The following WDR70 variants were observed in gnomAD, a reference collection of about 807,000 sequenced individuals.
WDR70 encodes the protein WD repeat-containing protein 70.
WDR70 carries 53 observed loss-of-function variants against 88.6 expected under a neutral mutation model. The observed-to-expected ratio is 0.60, with a 90% CI of 0.48 to 0.75. The LOEUF (loss-of-function observed/expected upper bound fraction) is 0.75, where lower values mean the gene tolerates loss of function less well. WDR70 is among the 30% of genes least tolerant of loss of function. The pLI is 0.00. For synonymous variants in WDR70, 280 were observed against 270.0 expected (o/e 1.04, Z -0.36); for missense variants, 610 against 823.2 (o/e 0.74, Z 3.17).
intron 5 of WDR70, among the ~76,000 whole-genome samples, chr5:37,416,469 G>C (rs1228553573): frequency 1.3e-5 from 2 of 151,996 alleles, no homozygotes; most frequent in African/African-American, 4.8e-5. Flanking sequence ...GTACAGTCCA[G>C]CTTCGGCTCG....
intron 5 of WDR70, among the ~76,000 whole-genome samples, chr5:37,432,676 ATGAGCCACCGCGCCCGGCCTT>A (rs1372174789): frequency 4.9e-4 from 74 of 150,982 alleles, no homozygotes; most frequent in African/African-American, 1.7e-3. Flanking sequence ...GATTACAGGC[ATGAGCCACCGCGCCCGGCCTT>A]TGAGCCACCG....
intron 8 of WDR70, among the ~76,000 whole-genome samples, chr5:37,484,540 C>T (rs1739796630): frequency 1.3e-5 from 2 of 151,768 alleles, no homozygotes; most frequent in Admixed American, 1.3e-4. Flanking sequence ...CAGAGGGAGA[C>T]CGTGGAAAGA....
chr5:37,653,741 T>C (rs1745472783), intron 10 of WDR70, among the ~76,000 whole-genome samples: 1 of 152,226 alleles, frequency 6.6e-6, no homozygotes, highest in Non-Finnish European at 1.5e-5. Context: ...GTGTTTATAG[T>C]ATTCTCTGAT....
chr5:37,495,442 ATC>A (rs139533160), intron 8 of WDR70, among the ~76,000 whole-genome samples: 53 of 147,518 alleles, frequency 3.6e-4, no homozygotes, highest in East Asian at 4.0e-4. Context: ...ATTATCAGCA[ATC>A]TCTCTCTCTC....
intron 9 of WDR70, among the ~76,000 whole-genome samples, chr5:37,538,372 A>C (rs1380327117): frequency 1.3e-5 from 2 of 152,248 alleles, no homozygotes; most frequent in Non-Finnish European, 2.9e-5. Flanking sequence ...TGCTTAATAC[A>C]CACGATGAAT....
chr5:37,718,917 GTTATATA>G (rs944425844), intron 13 of WDR70, among the ~76,000 whole-genome samples: 11 of 152,012 alleles, frequency 7.2e-5, no homozygotes, highest in Admixed American at 3.3e-4. Flanking sequence ...TAATAAATAA[GTTATATA>G]TTATATTAAA....
intron 10 of WDR70, among the ~76,000 whole-genome samples, chr5:37,611,705 G>A (rs528246574): frequency 1.1e-4 from 16 of 149,234 alleles, no homozygotes; most frequent in Non-Finnish European, 1.9e-4. Context: ...ATTTACTGCC[G>A]TCTGCAACTG....
At chr5:37,438,622 A>G (rs1297559788) in intron 6 of WDR70, among the ~76,000 whole-genome samples, 1 of 152,170 alleles carries the variant, frequency 6.6e-6, no homozygotes, top group African/African-American at 2.4e-5. Context: ...TTTCAGTGAA[A>G]CTACTTTTTT....
intron 12 of WDR70, among the ~76,000 whole-genome samples, chr5:37,702,570 A>G (rs936628525): frequency 6.6e-6 from 1 of 152,226 alleles, no homozygotes; most frequent in Non-Finnish European, 1.5e-5. Context: ...TCAAATATAT[A>G]TCTGTCCGTA....
rs1373112833 is a variant in WDR70 at position 37,722,871 on chromosome 5, G to A, written c.1534G>A (p.Val512Met). Residue 512 changes from valine (V) to methionine (M), a missense_variant, in exon 15 of 18, where the codon GTG (valine) becomes ATG (methionine). Transcript: ENST00000265107. ...ACCCGTTAGGGGAGCAAAATTATGT[G>A]TGGTTAAAACCCAGCGGAAGGCAAA... The part of the protein sequence containing the change: ...NKSQRGAKLC[V>M]VKTQRKAKQA... The A allele has an allele frequency of 4.3e-6, 7 of 1,613,522 alleles. No individual in the cohort carries two copies. The highest frequency in any genetic ancestry group is 4.5e-5 in the East Asian group (2 of 44,854).
At chr5:37,692,311 C>T (rs918306600) in intron 10 of WDR70, among the ~76,000 whole-genome samples, 2 of 152,152 alleles carry the variant, frequency 1.3e-5, no homozygotes, top group African/African-American at 2.4e-5. Flanking sequence ...GGTACCATTC[C>T]TTCTGGAACT....
Position 37,468,744 on chromosome 5 carries a change from G to GA in WDR70, c.687-11082dup, listed in dbSNP as rs536830194. Among the ~76,000 whole-genome samples, 1,315 of 151,894 alleles carry GA rather than the reference G, an allele frequency of 8.7e-3. 23 individuals are homozygous for GA. The highest frequency in any genetic ancestry group is 0.03 in the African/African-American group (1,241 of 41,428). On this transcript the variant is annotated intron_variant, in intron 7 of 17. Transcript: ENST00000265107. ...AGCCATCCAAGGATTGGAAATATTG[G>GA]AAAAAAAATTGCATCTGTACTGAAC...
chr5:37,531,542 A>T (rs1741482846), intron 9 of WDR70, among the ~76,000 whole-genome samples: 1 of 146,110 alleles, frequency 6.8e-6, no homozygotes. Context: ...TCATTATATG[A>T]TATCATTCTT....
In WDR70 at chr5:37,707,921, G is replaced by GAAAAAAAAA. The variant is rs1187436953; in HGVS notation, c.1416+4854_1416+4862dup. On this transcript the variant is annotated intron_variant, in intron 13 of 17. Coordinates refer to ENST00000265107, the MANE Select transcript of WDR70 (RefSeq NM_018034.4). ...AGGGTGAGACTCTGTCTCAAAAAAAGAAAAAAAAAAAAAAAAAAAAAAAAA... is the reference window on the plus strand; with the variant it reads ...AGGGTGAGACTCTGTCTCAAAAAAAGAAAAAAAAAAAAAAAAAAAAAAAAAAAAAAAAAA... Among the ~76,000 whole-genome samples, 2 of 15,148 alleles carry GAAAAAAAAA rather than the reference G, an allele frequency of 1.3e-4. 1 individual carries two copies. The highest frequency in any genetic ancestry group is 2.6e-4 in the Non-Finnish European group (2 of 7,698). The allele number at this position is 15,148 out of a possible 152,430, so 9.9% of individuals were successfully genotyped here. A position where few individuals can be genotyped will look rare whatever the true frequency, so the allele number is the denominator to read the frequency against.
chr5:37,711,868 CTATTA>C (rs1747520391), intron 13 of WDR70, among the ~76,000 whole-genome samples: 1 of 151,558 alleles, frequency 6.6e-6, no homozygotes, highest in African/African-American at 2.4e-5. Flanking sequence ...ACATTTTATT[CTATTA>C]TATTCTTGTT....
At chr5:37,416,104 G>C (rs1454897974) in intron 5 of WDR70, among the ~76,000 whole-genome samples, 1 of 152,092 alleles carries the variant, frequency 6.6e-6, no homozygotes, top group Non-Finnish European at 1.5e-5. Context: ...CTTCCCAGAC[G>C]GGGTGGCGGC....
At chr5:37,700,341 A>G (rs1581509382) in intron 11 of WDR70, 1 of 152,388 alleles carries the variant, frequency 6.6e-6, no homozygotes, top group Non-Finnish European at 1.5e-5. Context: ...ATACATATGG[A>G]ATACTTCACA....
At chr5:37,607,124 G>A (rs953392471) in intron 10 of WDR70, among the ~76,000 whole-genome samples, 1 of 151,350 alleles carries the variant, frequency 6.6e-6, no homozygotes, top group African/African-American at 2.4e-5. Flanking sequence ...TGTATTTTTG[G>A]TAGAGACGGG....
chr5:37,724,732 T>A (rs553563044), intron 15 of WDR70: 11 of 562,452 alleles, frequency 2.0e-5, no homozygotes, highest in Admixed American at 9.5e-5. Context: ...TCCTGAGTGC[T>A]GTTAGCTGCC....
Sources: gnomAD v4.1 joint callset for allele counts (sites outside exome capture counted in the v4.1 genomes callset) on GRCh38, gnomAD v4.1.1 for gene constraint, MANE v1.5 for transcripts, NCBI Gene and HGNC (gene_info 2026-07-23, HGNC 2026-07-21) for gene names.